The following RAI14 variants were observed in gnomAD, a reference collection of about 807,000 sequenced individuals.
RAI14 encodes the protein ankycorbin.
RAI14 carries 45 observed loss-of-function variants against 115.4 expected under a neutral mutation model. That is an observed-to-expected ratio of 0.39 (90% CI 0.31 to 0.50). The LOEUF (loss-of-function observed/expected upper bound fraction) is 0.50, where lower values mean the gene tolerates loss of function less well. Ranked by LOEUF, RAI14 falls within the 20% of genes least tolerant of loss-of-function variation. The probability of loss-of-function intolerance (pLI) is 0.85; values close to 1 mark genes in which losing one functional copy is unlikely to be tolerated. For missense variants in RAI14, 939 were observed against 1,131.2 expected (o/e 0.83, Z 2.44); for synonymous variants, 371 against 415.4 (o/e 0.89, Z 1.30).
In RAI14 at chr5:34,716,124, C is replaced by G. The variant is rs761616592; in HGVS notation, c.36+29169C>G. Reference sequence around the variant, plus strand: ...AACATACATCTGCAGTTATTTGTGGCAAAAGACAAGGCAAATAGGCAAATA... The same window carrying G: ...AACATACATCTGCAGTTATTTGTGGGAAAAGACAAGGCAAATAGGCAAATA... On this transcript the variant is annotated intron_variant, in intron 2 of 17. Coordinates refer to ENST00000265109, the MANE Select transcript of RAI14 (RefSeq NM_015577.3). The G allele has an allele frequency of 9.4e-5, 40 of 426,842 alleles. 2 individuals carry two copies. The highest frequency in any genetic ancestry group is 6.7e-4 in the South Asian group (39 of 58,278). 26.4% of individuals were successfully genotyped at this position (426,842 alleles called of 1,614,324 possible).
intron 2 of RAI14, among the ~76,000 whole-genome samples, chr5:34,752,088 C>T (rs561134986): frequency 2.0e-5 from 3 of 152,192 alleles, no homozygotes; most frequent in East Asian, 3.9e-4. Context: ...TGGGAGACAT[C>T]GCGTTCACCC....
chr5:34,709,854 G>A lies in RAI14; in HGVS notation c.36+22899G>A, dbSNP rs551974424. On this transcript the variant is annotated intron_variant, in intron 2 of 17. Coordinates refer to ENST00000265109, the MANE Select transcript of RAI14 (RefSeq NM_015577.3). ...TAGATATTTTGTTTTGATCTCAGAG[G>A]CATAAGAATGAATTAACCACTCCTC... 2.6e-5 allele frequency among the ~76,000 whole-genome samples: 4 copies of A among 151,966 alleles called. No individual in the cohort carries two copies. In the South Asian group the frequency reaches 8.3e-4, roughly 32 times the overall value.
intron 2 of RAI14, among the ~76,000 whole-genome samples, chr5:34,713,449 C>T (rs1394947011): frequency 1.3e-5 from 2 of 152,048 alleles, no homozygotes; most frequent in African/African-American, 4.8e-5. Context: ...CGGTCTTGAA[C>T]TTCTGGACTC....
intron 3 of RAI14, among the ~76,000 whole-genome samples, chr5:34,769,389 C>A (rs142745284): frequency 1.2e-3 from 178 of 152,208 alleles, no homozygotes; most frequent in African/African-American, 4.0e-3. Flanking sequence ...GCTTTTATAA[C>A]TAAAGTTATA....
At chr5:34,707,195 G>A (rs374776282) in intron 2 of RAI14, among the ~76,000 whole-genome samples, 1 of 152,192 alleles carries the variant, frequency 6.6e-6, no homozygotes, top group East Asian at 1.9e-4. Flanking sequence ...GGCTGGGCAC[G>A]GTGGCTCACG....
intron 2 of RAI14, among the ~76,000 whole-genome samples, chr5:34,702,351 G>A (rs73089151): frequency 0.036 from 5,511 of 152,230 alleles, 329 homozygotes; most frequent in African/African-American, 0.12. Flanking sequence ...GGTGTGGTAT[G>A]CGCTTGTATT....
rs553002087 is a variant in RAI14 at position 34,765,874 on chromosome 5, T to A, written c.167+8276T>A. On this transcript the variant is annotated intron_variant, in intron 3 of 17. Transcript: ENST00000265109. Reference sequence around the variant, plus strand: ...GTGGTTTCATGGGCTGGGCCCATGGTCCCTGTGCTGTGTGCACCCTAAGGA... The same window carrying A: ...GTGGTTTCATGGGCTGGGCCCATGGACCCTGTGCTGTGTGCACCCTAAGGA... Among the ~76,000 whole-genome samples, 4 of 152,330 alleles carry A rather than the reference T, an allele frequency of 2.6e-5. No homozygotes were observed. The East Asian group carries it at 7.7e-4, about 29-fold the overall frequency.
At chr5:34,728,349 G>T (rs1743742440) in intron 2 of RAI14, among the ~76,000 whole-genome samples, 1 of 152,174 alleles carries the variant, frequency 6.6e-6, no homozygotes, top group South Asian at 2.1e-4. Flanking sequence ...GTTTTGAAAT[G>T]TGAGAACATG....
chr5:34,681,832 T>C (rs917702123), intron 1 of RAI14, among the ~76,000 whole-genome samples: 4 of 149,750 alleles, frequency 2.7e-5, no homozygotes, highest in African/African-American at 9.8e-5. Flanking sequence ...TCTAGAGGTT[T>C]CTAACCTGGA....
chr5:34,756,235 A>C (rs1009428167), intron 2 of RAI14, among the ~76,000 whole-genome samples: 1 of 152,182 alleles, frequency 6.6e-6, no homozygotes, highest in Non-Finnish European at 1.5e-5. Flanking sequence ...GATTGGGAAC[A>C]TACTCCCGGG....
At chr5:34,712,192 C>A (rs960934147) in intron 2 of RAI14, among the ~76,000 whole-genome samples, 4 of 152,116 alleles carry the variant, frequency 2.6e-5, no homozygotes, top group African/African-American at 4.8e-5. Context: ...TTGATATATC[C>A]CCAAATTTGG....
rs541491840 is a variant in RAI14, at chr5:34,732,443, T to A, written c.37-25025T>A. Reference sequence around the variant, plus strand: ...GCAAAATATTTACCATGCTTGATTTTTTTTTTTTTTTTTTTGACAGAGTCT... The same window carrying A: ...GCAAAATATTTACCATGCTTGATTTATTTTTTTTTTTTTTTGACAGAGTCT... On this transcript the variant is annotated intron_variant, in intron 2 of 17. Coordinates refer to ENST00000265109, the MANE Select transcript of RAI14 (RefSeq NM_015577.3). Among the ~76,000 whole-genome samples the A allele has an allele frequency of 6.5e-4, 38 of 58,704 alleles. 1 individual carries two copies. In the East Asian group the frequency reaches 0.011, roughly 18 times the overall value. 38.5% of individuals were successfully genotyped at this position (58,704 alleles called of 152,430 possible). A position where few individuals can be genotyped will look rare whatever the true frequency, so the allele number is the denominator to read the frequency against.
intron 2 of RAI14, among the ~76,000 whole-genome samples, chr5:34,744,448 T>C (rs535938811): frequency 6.6e-6 from 1 of 152,316 alleles, no homozygotes; most frequent in South Asian, 2.1e-4. Flanking sequence ...GACCTCAGAG[T>C]TCCCAGTCTT....
intron 3 of RAI14, among the ~76,000 whole-genome samples, chr5:34,788,795 C>T (rs1055453593): frequency 6.6e-6 from 1 of 151,932 alleles, no homozygotes; most frequent in African/African-American, 2.4e-5. Flanking sequence ...CATGGTGAAA[C>T]CCCGTCTCTG....
intron 2 of RAI14, among the ~76,000 whole-genome samples, chr5:34,736,902 G>T (rs1378107847): frequency 1.3e-5 from 2 of 152,200 alleles, no homozygotes; most frequent in East Asian, 3.9e-4. Flanking sequence ...ACTGGTATTT[G>T]TCTGTGGCCT....
rs536090958 is a variant in RAI14 at position 34,684,296 on chromosome 5, A to G, written c.-48-2576A>G. 9.5e-4 allele frequency among the ~76,000 whole-genome samples: 144 copies of G among 152,080 alleles called. 1 individual carries two copies. The highest frequency in any genetic ancestry group is 3.5e-4 in the Non-Finnish European group (24 of 68,022). On this transcript the variant is annotated intron_variant, in intron 1 of 17. Transcript: ENST00000265109. ...TCAACCAAGGAAGTTCCTGGGCTCT[A>G]CCCCTTGAGATTCAGTTTTAATAGG...
intron 2 of RAI14, among the ~76,000 whole-genome samples, chr5:34,729,744 G>T (rs981565763): frequency 4.6e-5 from 7 of 152,112 alleles, no homozygotes; most frequent in African/African-American, 1.7e-4. Flanking sequence ...AGAAAAGGGG[G>T]TTGGGGCAGG....
intron 3 of RAI14, among the ~76,000 whole-genome samples, chr5:34,776,761 T>C (rs147608679): frequency 0.22 from 32,496 of 149,256 alleles, 4,768 homozygotes; most frequent in Non-Finnish European, 0.31. Context: ...GAGCCAAGAT[T>C]GCACCACTGC....
chr5:34,816,939 G>A (rs191656489), intron 12 of RAI14, among the ~76,000 whole-genome samples: 1 of 151,970 alleles, frequency 6.6e-6, no homozygotes, highest in African/African-American at 2.4e-5. Context: ...AAGATAAAAA[G>A]TGACATTTAT....
Sources: gnomAD v4.1 joint callset for allele counts (sites outside exome capture counted in the v4.1 genomes callset) on GRCh38, gnomAD v4.1.1 for gene constraint, MANE v1.5 for transcripts, NCBI Gene and HGNC (gene_info 2026-07-23, HGNC 2026-07-21) for gene names.